Variants in RBPMS observed in about 807,000 individuals in gnomAD.
The protein encoded by RBPMS is RNA-binding protein with multiple splicing.
RBPMS carries 7 observed loss-of-function variants against 26.8 expected under a neutral mutation model. The ratio of observed to expected loss-of-function variants is 0.26; its 90% CI spans 0.15 to 0.49. The LOEUF (loss-of-function observed/expected upper bound fraction) is 0.49. Among genes scored for constraint, RBPMS ranks in the 20% least tolerant of loss-of-function variants. The probability of loss-of-function intolerance (pLI) is 0.98; values close to 1 mark genes in which losing one functional copy is unlikely to be tolerated. For synonymous variants in RBPMS, 96 were observed against 93.3 expected (o/e 1.03, Z -0.17); for missense variants, 186 against 250.0 (o/e 0.74, Z 1.73).
At chr8:30,460,524 T>A (rs1815762008) in intron 1 of RBPMS, among the ~76,000 whole-genome samples, 1 of 152,218 alleles carries the variant, frequency 6.6e-6, no homozygotes, top group Non-Finnish European at 1.5e-5. Flanking sequence ...ACACTCTTAG[T>A]CTTTTTCCTG....
intron 5 of RBPMS, among the ~76,000 whole-genome samples, chr8:30,518,340 C>T (rs957073135): frequency 1.3e-5 from 2 of 152,226 alleles, no homozygotes; most frequent in East Asian, 1.9e-4. Context: ...TCCATTCCCC[C>T]GTGGTTGTGG....
At chr8:30,507,153 C>CT (rs1173754609) in intron 5 of RBPMS, among the ~76,000 whole-genome samples, 1 of 152,172 alleles carries the variant, frequency 6.6e-6, no homozygotes, top group African/African-American at 2.4e-5. Flanking sequence ...TGGTGGCCTG[C>CT]TGTGGAGAAC....
Position 30,477,849 on chromosome 8 carries a change from A to G in RBPMS, c.183+12A>G. On this transcript the variant is annotated intron_variant, in intron 3 of 8. Transcript: ENST00000397323. ...TCACATCTAAACAGGTAAGAATTTC[A>G]AAGTGGCATATAAAGATCACTTTTT... The G allele has an allele frequency of 6.3e-7, 1 of 1,574,988 alleles. No individual in the cohort carries two copies. Among genetic ancestry groups the G allele is most frequent in the Non-Finnish European group, 8.7e-7 (1 of 1,145,086 alleles).
intron 1 of RBPMS, among the ~76,000 whole-genome samples, chr8:30,426,168 T>C (rs1811332274): frequency 6.6e-6 from 1 of 152,208 alleles, no homozygotes; most frequent in Admixed American, 6.5e-5. Flanking sequence ...AGATGCTGGC[T>C]CAATGTTCAT....
rs558427746 is a variant in RBPMS, at chr8:30,462,909, G to A, written c.67-11870G>A. On this transcript the variant is annotated intron_variant, in intron 1 of 8. Coordinates refer to ENST00000397323, the MANE Select transcript of RBPMS (RefSeq NM_001008710.3). ...TTGCCCGCGGCCTTTTACAAAGGTA[G>A]ACAGAGTGATGGTAATGAAGAGATT... 8.5e-5 allele frequency among the ~76,000 whole-genome samples: 13 copies of A among 152,256 alleles called. No individual in the cohort carries two copies. In the East Asian group the frequency reaches 1.5e-3, roughly 18 times the overall value.
chr8:30,424,978 G>A (rs1419846876), intron 1 of RBPMS, among the ~76,000 whole-genome samples: 1 of 151,966 alleles, frequency 6.6e-6, no homozygotes, highest in Admixed American at 6.6e-5. Flanking sequence ...TAGAGACAGG[G>A]TTTCACTCTG....
At chr8:30,564,848 G>T (rs1399282532) in intron 7 of RBPMS, 1 of 152,510 alleles carries the variant, frequency 6.6e-6, no homozygotes, top group African/African-American at 2.4e-5. Flanking sequence ...TAAACCCGGG[G>T]GTGCAGACAA....
chr8:30,530,294 T>C (rs1211455633), intron 5 of RBPMS, among the ~76,000 whole-genome samples: 1 of 152,212 alleles, frequency 6.6e-6, no homozygotes, highest in Admixed American at 6.5e-5. Context: ...AGCCTCAGTA[T>C]TGAGAGTGAG....
rs148483064 is a variant in RBPMS, at chr8:30,423,567, G to C, written c.66+38409G>C. Among the ~76,000 whole-genome samples the C allele has an allele frequency of 4.7e-5, 7 of 149,202 alleles. No homozygotes were observed. In the Admixed American group the frequency reaches 4.7e-4, roughly 10 times the overall value. On this transcript the variant is annotated intron_variant, in intron 1 of 8. Transcript: ENST00000397323. ...CCACTTCCCATCCATTTCTTCTTTCGTCTCTCTTTTAGTTATTTATTTCTG... is the reference window on the plus strand; with the variant it reads ...CCACTTCCCATCCATTTCTTCTTTCCTCTCTCTTTTAGTTATTTATTTCTG...
intron 1 of RBPMS, among the ~76,000 whole-genome samples, chr8:30,431,806 G>A: frequency 6.6e-6 from 1 of 151,982 alleles, no homozygotes. Context: ...ATACAAGTCT[G>A]CTATGTCAAG....
At chr8:30,486,339 CAAAT>C (rs201551478) in intron 4 of RBPMS, among the ~76,000 whole-genome samples, 8,981 of 144,860 alleles carry the variant, frequency 0.062, 871 homozygotes, top group African/African-American at 0.2. Context: ...GACTCCATCT[CAAAT>C]AAATAAATAA....
chr8:30,431,276 C>G (rs1811893385), intron 1 of RBPMS, among the ~76,000 whole-genome samples: 1 of 152,102 alleles, frequency 6.6e-6, no homozygotes, highest in Non-Finnish European at 1.5e-5. Context: ...GATTGCCTTA[C>G]TTGGAATGTA....
chr8:30,508,536 C>T lies in RBPMS; in HGVS notation c.397+4100C>T, dbSNP rs114651045. ...GCGTGTGTAAAAATGGGTACATTCA[C>T]GTGCCTTTTGTCCCTCATAATTAAA... On this transcript the variant is annotated intron_variant, in intron 5 of 8. Coordinates refer to ENST00000397323, the MANE Select transcript of RBPMS (RefSeq NM_001008710.3). Among the ~76,000 whole-genome samples, 864 of 152,256 alleles carry T rather than the reference C, an allele frequency of 5.7e-3. 8 individuals carry two copies. Among genetic ancestry groups the T allele is most frequent in the African/African-American group, 0.02 (811 of 41,542 alleles).
chr8:30,516,572 G>A (rs1255669001), intron 5 of RBPMS, among the ~76,000 whole-genome samples: 1 of 152,064 alleles, frequency 6.6e-6, no homozygotes, highest in Admixed American at 6.6e-5. Context: ...TTTCACAAAT[G>A]CCCAATTCTC....
chr8:30,563,460 G>A (rs1166934021), intron 7 of RBPMS, among the ~76,000 whole-genome samples: 1 of 152,214 alleles, frequency 6.6e-6, no homozygotes, highest in Non-Finnish European at 1.5e-5. Flanking sequence ...GAGTTGAACT[G>A]TTCTTGAAAG....
rs757198319 is a variant in RBPMS at position 30,479,303 on chromosome 8, T to C, written c.184-12T>C. The C allele has an allele frequency of 4.4e-6, 7 of 1,608,900 alleles. No homozygotes were observed. In the East Asian group the frequency reaches 1.3e-4, roughly 31 times the overall value. On this transcript the variant is annotated splice_polypyrimidine_tract_variant and intron_variant, in intron 3 of 8. Transcript: ENST00000397323. Reference sequence around the variant, plus strand: ...GATTTTTTTTCTTCATATTTCTCTTTTTTTTTCTCAGCCTGTAGGTTTTGT... The same window carrying C: ...GATTTTTTTTCTTCATATTTCTCTTCTTTTTTCTCAGCCTGTAGGTTTTGT...
rs534901028 is a variant in RBPMS at position 30,572,128 on chromosome 8, G to A, written c.*1603G>A. The A allele has an allele frequency of 6.6e-6, 1 of 152,150 alleles. No homozygotes were observed. The highest frequency in any genetic ancestry group is 1.5e-5 in the Non-Finnish European group (1 of 68,036). 9.4% of individuals were successfully genotyped at this position (152,150 alleles called of 1,614,324 possible). ...CCTGCTTATGCCCTCAGTGCCAATC[G>A]GCTCTTGGTGAGATGACTGTACTCC... On this transcript the variant is annotated 3_prime_UTR_variant, in exon 9 of 9. Transcript: ENST00000397323.
At chr8:30,477,963 T>A in intron 3 of RBPMS, 126 bp downstream of exon 3, 1 of 662,566 alleles carries the variant, frequency 1.5e-6, no homozygotes, top group Non-Finnish European at 2.6e-6. Context: ...AAATTAAAAG[T>A]GAGATGTATT....
At chr8:30,474,094 A>AAACAACAAC (rs140129097) in intron 1 of RBPMS, among the ~76,000 whole-genome samples, 1 of 151,576 alleles carries the variant, frequency 6.6e-6, no homozygotes, top group African/African-American at 2.4e-5. Context: ...AAAATTTAAA[A>AAACAACAAC]AACAACAACA....
Sources: gnomAD v4.1 joint callset for allele counts (sites outside exome capture counted in the v4.1 genomes callset) on GRCh38, gnomAD v4.1.1 for gene constraint, MANE v1.5 for transcripts, NCBI Gene and HGNC (gene_info 2026-07-23, HGNC 2026-07-21) for gene names.